The following CTSA variants were observed in gnomAD, a reference collection of about 807,000 sequenced individuals.
CTSA encodes the protein cathepsin A.
CTSA carries 42 observed loss-of-function variants against 66.7 expected under a neutral mutation model. The observed-to-expected ratio is 0.63, with a 90% CI of 0.49 to 0.81. The LOEUF is 0.81. Ranked by LOEUF, CTSA falls within the 40% of genes least tolerant of loss-of-function variation. The probability of loss-of-function intolerance (pLI) is 0.00; values close to 1 mark genes in which losing one functional copy is unlikely to be tolerated. For missense variants in CTSA, 525 were observed against 610.9 expected (o/e 0.86, Z 1.48); for synonymous variants, 225 against 248.6 (o/e 0.91, Z 0.89).
intron 11 of CTSA, chr20:45,896,249 C>CCCCCCCCCCCCCA (rs2083104905): frequency 6.6e-6 from 1 of 152,362 alleles, no homozygotes; most frequent in African/African-American, 2.5e-5. Flanking sequence ...TGGCCACCCC[C>CCCCCCCCCCCCCA]CCCCACAACC....
chr20:45,894,350 T>C (rs1361637569), intron 8 of CTSA: 4 of 608,212 alleles, frequency 6.6e-6, no homozygotes, highest in East Asian at 5.5e-5. Flanking sequence ...TCTATGTAGA[T>C]TATTTAAGCT....
rs776242113 is a variant in CTSA at position 45,893,245 on chromosome 20, C to T, written c.626C>T (p.Ser209Phe). 3.7e-6 allele frequency: 6 copies of T among 1,614,108 alleles called. No individual in the cohort carries two copies. The highest frequency in any genetic ancestry group is 4.2e-6 in the Non-Finnish European group (5 of 1,179,986). Reference protein sequence around the residue: ...LQGLAVGNGLSSYEQNDNSLV... With the variant: ...LQGLAVGNGLFSYEQNDNSLV... ...GGGCTGGCTGTGGGCAATGGACTCT[C>T]CTCCTATGAGCAGAATGACAACTCC... The change falls in exon 7 of 15, where the codon TCC becomes TTC. Residue 209 changes from serine (S) to phenylalanine (F), a missense_variant. Around this residue, in one of 3 missense-constraint regions of CTSA, gnomAD observed 246 missense variants for 267.4 expected, o/e 0.92. Transcript: ENST00000646241.
rs1248466393 is a variant in CTSA at position 45,896,819 on chromosome 20, G to T, written c.1089-146G>T. 4.3e-6 allele frequency: 3 copies of T among 698,766 alleles called. No individual in the cohort carries two copies. The East Asian group carries it at 7.9e-5, about 18-fold the overall frequency. 43.3% of individuals were successfully genotyped at this position (698,766 alleles called of 1,614,324 possible). A position where few individuals can be genotyped will look rare whatever the true frequency, so the allele number is the denominator to read the frequency against. ...GCCCAACATCCAAGTCAGTCCTAGAGAGGTGGCCCCCCCCCAAAAAGGGGA... is the reference window on the plus strand; with the variant it reads ...GCCCAACATCCAAGTCAGTCCTAGATAGGTGGCCCCCCCCCAAAAAGGGGA... On this transcript the variant is annotated intron_variant, in intron 11 of 14. Transcript: ENST00000646241.
chr20:45,894,411 G>A (rs1238677177), intron 8 of CTSA: 9 of 617,590 alleles, frequency 1.5e-5, no homozygotes, highest in Non-Finnish European at 2.6e-5. Flanking sequence ...TCCAGATAAG[G>A]AAACTGAGGG....
At position 45,891,459 on chromosome 20, in the gene CTSA, G is replaced by A; in HGVS notation, c.-1+80G>A. On this transcript the variant is annotated intron_variant, in intron 1 of 14. Coordinates refer to ENST00000646241, the MANE Select transcript of CTSA (RefSeq NM_000308.4). This position sits in a 1 kb window ranked among gnomAD's most constrained non-coding sequence, Gnocchi z 4.6. ...CAGAGGAGGCTCGCGGGTGGGAGCT[G>A]GCGCTGGGGCCGGGGCTTCCCTCGC... 1 of 1,546,016 alleles carries A rather than the reference G, an allele frequency of 6.5e-7. No individual in the cohort carries two copies. The highest frequency in any genetic ancestry group is 8.7e-7 in the Non-Finnish European group (1 of 1,145,134).
chr20:45,896,950 G>C lies in CTSA; in HGVS notation c.1089-15G>C, dbSNP rs1406343134. The C allele has an allele frequency of 3.1e-6, 5 of 1,612,520 alleles. No individual in the cohort carries two copies. The highest frequency in any genetic ancestry group is 3.3e-5 in the Admixed American group (2 of 60,012). ...GACCTGGTCTTCCTGGGGCCTGCTC[G>C]TATGTTCCCGGCAGCTTTCTGGTAA... is the stretch of plus-strand genomic sequence containing the variant. On this transcript the variant is annotated splice_polypyrimidine_tract_variant and intron_variant, in intron 11 of 14. Transcript: ENST00000646241.
Position 45,893,318 on chromosome 20 carries a change from G to A in CTSA, c.692+7G>A. ...ATGGCCTTCTGGGGAACAGGTATGG[G>A]ATAGGGCAGTTGGGCAATCTCTGGG... On this transcript the variant is annotated splice_region_variant and intron_variant, in intron 7 of 14. Transcript: ENST00000646241. 6.2e-7 allele frequency: 1 copy of A among 1,608,580 alleles called. No homozygotes were observed. Among genetic ancestry groups the A allele is most frequent in the Non-Finnish European group, 8.5e-7 (1 of 1,174,986 alleles).
In CTSA at chr20:45,891,368, G is replaced by A; in HGVS notation, c.-12G>A. On this transcript the variant is annotated 5_prime_UTR_variant, in exon 1 of 15. Transcript: ENST00000646241. The surrounding 1 kb of genome is among the most constrained non-coding windows in gnomAD (Gnocchi z 4.6). The stretch of plus-strand genomic sequence containing the variant: ...GGCGCCTCCTGGAGAGCAAGGACGC[G>A]GGGGAGCAGAGGTGAGCTGGCACCG... 4 of 1,575,088 alleles carry A rather than the reference G, an allele frequency of 2.5e-6. No individual in the cohort carries two copies. The highest frequency in any genetic ancestry group is 3.4e-6 in the Non-Finnish European group (4 of 1,160,850).
Position 45,897,994 on chromosome 20 carries a change from T to C in CTSA, c.1255-11T>C, listed in dbSNP as rs777218951. The C allele has an allele frequency of 6.2e-7, 1 of 1,613,854 alleles. No individual in the cohort carries two copies. The highest frequency in any genetic ancestry group is 8.5e-7 in the Non-Finnish European group (1 of 1,179,748). The stretch of plus-strand genomic sequence containing the variant: ...AGCTGCTGTAGGCTGATGTCTTTCC[T>C]GGTGGGGCAGATGGAGGTGCAGCGC... On this transcript the variant is annotated splice_polypyrimidine_tract_variant and intron_variant, in intron 13 of 14. Coordinates refer to ENST00000646241, the MANE Select transcript of CTSA (RefSeq NM_000308.4).
At position 45,897,755 on chromosome 20, in the gene CTSA, G is replaced by A. The variant is rs925709314; in HGVS notation, c.1203G>A (p.Met401Ile). 1 of 1,612,476 alleles carries A rather than the reference G, an allele frequency of 6.2e-7. No homozygotes were observed. The highest frequency in any genetic ancestry group is 8.5e-7 in the Non-Finnish European group (1 of 1,178,712). The change falls in exon 13 of 15, where the codon ATG becomes ATA. Residue 401 changes from methionine (M) to isoleucine (I), a missense_variant. Around this residue, in one of 3 missense-constraint regions of CTSA, gnomAD observed 274 missense variants for 321.1 expected, o/e 0.85. Coordinates refer to ENST00000646241, the MANE Select transcript of CTSA (RefSeq NM_000308.4). Reference protein sequence around the residue: ...QILLYNGDVDMACNFMGDEWF... With the variant: ...QILLYNGDVDIACNFMGDEWF... The stretch of plus-strand genomic sequence containing the variant: ...TATTATATAATGGAGATGTAGACAT[G>A]GCCTGCAATTTCATGGGGGATGAGT...
intron 11 of CTSA, 135 bp from the exon 12 acceptor site, chr20:45,896,830 C>T: frequency 3.8e-6 from 3 of 781,744 alleles, no homozygotes; most frequent in Non-Finnish European, 6.9e-6. Context: ...AGGTGGCCCC[C>T]CCCCAAAAAG....
Position 45,898,337 on chromosome 20 carries a change from G to T in CTSA, c.1360-30G>T, listed in dbSNP as rs763325239. 7.6e-6 allele frequency: 12 copies of T among 1,589,022 alleles called. No homozygotes were observed. In the Middle Eastern group the frequency reaches 6.6e-4, roughly 88 times the overall value. Reference sequence around the variant, plus strand: ...TTATATGGGGAGGAGGGAATGGTGGGGTCAGGAGCTCACGAACATTGCTCC... The same window carrying T: ...TTATATGGGGAGGAGGGAATGGTGGTGTCAGGAGCTCACGAACATTGCTCC... On this transcript the variant is annotated intron_variant, in intron 14 of 14. Transcript: ENST00000646241. This position sits in a 1 kb window ranked among gnomAD's most constrained non-coding sequence, Gnocchi z 4.6.
At chr20:45,895,982 G>A (rs1050015256) in intron 11 of CTSA, among the ~76,000 whole-genome samples, 1 of 152,118 alleles carries the variant, frequency 6.6e-6, no homozygotes, top group Non-Finnish European at 1.5e-5. Context: ...ATCACCTGAG[G>A]TCAGGAGTTC....
rs114569162 is a variant in CTSA, at chr20:45,898,143, C to T, written c.1359+34C>T. 5.8e-4 allele frequency: 934 copies of T among 1,599,902 alleles called. 4 individuals carry two copies. In the African/African-American group the frequency reaches 0.011, roughly 19 times the overall value. On this transcript the variant is annotated intron_variant, in intron 14 of 14. Transcript: ENST00000646241. The surrounding 1 kb of genome is among the most constrained non-coding windows in gnomAD (Gnocchi z 4.6). ...TGGGCCTGCTGAGAGATAACTGGGC[C>T]GGAGGCAAAGGAGCAGGACCCACCC...
At position 45,895,030 on chromosome 20, in the gene CTSA, C is replaced by A. The variant is rs746428492; in HGVS notation, c.985C>A (p.Pro329Thr). Residue 329 changes from proline to threonine, a missense_variant, in exon 11 of 15, where the codon CCC (proline) becomes ACC (threonine). Around this residue, in one of 3 missense-constraint regions of CTSA, gnomAD observed 274 missense variants for 321.1 expected, o/e 0.85. Coordinates refer to ENST00000646241, the MANE Select transcript of CTSA (RefSeq NM_000308.4). Reference protein sequence around the residue: ...LRSGDKVRMDPPCTNTTAAST... With the variant: ...LRSGDKVRMDTPCTNTTAAST... ...CTCAGGGGATAAAGTGCGCATGGAC[C>A]CCCCCTGCACCAACACAACAGCTGC... The A allele has an allele frequency of 2.6e-5, 42 of 1,613,970 alleles. No individual in the cohort carries two copies. The highest frequency in any genetic ancestry group is 3.2e-5 in the Non-Finnish European group (38 of 1,180,014).
chr20:45,891,909 C>T lies in CTSA; in HGVS notation c.195-7C>T, dbSNP rs773860756. 15 of 1,613,420 alleles carry T rather than the reference C, an allele frequency of 9.3e-6. No homozygotes were observed. The East Asian group carries it at 2.9e-4, about 31-fold the overall frequency. Reference sequence around the variant, plus strand: ...CTGCGCCAACCCTGCCCTGACCCCCCTCCCAGGTTTGTGGAGTCCCAGAAG... The same window carrying T: ...CTGCGCCAACCCTGCCCTGACCCCCTTCCCAGGTTTGTGGAGTCCCAGAAG... On this transcript the variant is annotated splice_region_variant and splice_polypyrimidine_tract_variant and intron_variant, in intron 2 of 14. Transcript: ENST00000646241. This position sits in a 1 kb window ranked among gnomAD's most constrained non-coding sequence, Gnocchi z 4.6.
intron 6 of CTSA, 76 bp downstream of exon 6, chr20:45,892,956 G>T: frequency 6.5e-7 from 1 of 1,543,596 alleles, no homozygotes; most frequent in Non-Finnish European, 8.9e-7. Flanking sequence ...AGACTGACTG[G>T]TCAATGTCCC....
At position 45,894,385 on chromosome 20, in the gene CTSA, C is replaced by A. The variant is rs1046699215; in HGVS notation, c.778-265C>A. 3 of 611,282 alleles carry A rather than the reference C, an allele frequency of 4.9e-6. No individual in the cohort carries two copies. The Admixed American group carries it at 8.2e-5, about 17-fold the overall frequency. The allele number at this position is 611,282 out of a possible 1,614,324, so 37.9% of individuals were successfully genotyped here. ...TTCAAGATTCCCCCTCAAATGAGAT[C>A]ATACTACCCACATTTTCCAGATAAG... On this transcript the variant is annotated intron_variant, in intron 8 of 14. Coordinates refer to ENST00000646241, the MANE Select transcript of CTSA (RefSeq NM_000308.4).
chr20:45,894,753 T>C lies in CTSA; in HGVS notation c.869+12T>C, dbSNP rs1987149620. On this transcript the variant is annotated intron_variant, in intron 9 of 14. Transcript: ENST00000646241. ...CCCAGCCATTTTAGGTAGGTGCTGC[T>C]GGGTGCCCCTGGAGCCAACCCCAGC... 1.2e-6 allele frequency: 2 copies of C among 1,613,742 alleles called. No homozygotes were observed. Among genetic ancestry groups the C allele is most frequent in the East Asian group, 2.2e-5 (1 of 44,864 alleles).
Sources: allele counts gnomAD v4.1 joint callset (sites outside exome capture counted in the v4.1 genomes callset), GRCh38; gene constraint gnomAD v4.1.1; regional missense constraint gnomAD v4.1.1; non-coding constraint Gnocchi (gnomAD v3.1); transcripts MANE v1.5; gene names NCBI Gene and HGNC (gene_info 2026-07-23, HGNC 2026-07-21).